Variants in SCGN observed in about 807,000 individuals in gnomAD.
The protein encoded by SCGN is secretagogin, EF-hand calcium binding protein.
SCGN carries 30 observed loss-of-function variants against 39.7 expected under a neutral mutation model. The observed-to-expected ratio is 0.76, with a 90% CI of 0.57 to 1.03. SCGN has a LOEUF of 1.03. SCGN is among the 50% of genes least tolerant of loss of function. The pLI, the probability that SCGN is intolerant of heterozygous loss-of-function variation, is 0.00. For missense variants in SCGN, 353 were observed against 349.4 expected, an observed-to-expected ratio of 1.01 and a Z score of -0.08; for synonymous variants, 106 against 114.1, an observed-to-expected ratio of 0.93 and a Z score of 0.45.
chr6:25,680,221 CATAATGTCTTA>C lies in SCGN; in HGVS notation c.472-1727_472-1717del, dbSNP rs541146089. On this transcript the variant is annotated intron_variant, in intron 6 of 10. Coordinates refer to ENST00000377961, the MANE Select transcript of SCGN (RefSeq NM_006998.4). Reference sequence around the variant, plus strand: ...ACTAAAGGTTATACTTGCAAAGAAGCATAATGTCTTAATGTCACACAAGATCTGATTTCTAG... The same window carrying C: ...ACTAAAGGTTATACTTGCAAAGAAGCATGTCACACAAGATCTGATTTCTAG... Among the ~76,000 whole-genome samples the C allele has an allele frequency of 4.5e-3, 680 of 152,268 alleles. 4 individuals are homozygous for C. Among genetic ancestry groups the C allele is most frequent in the African/African-American group, 0.015 (630 of 41,552 alleles).
At chr6:25,699,589 CAAAAAAAAAAAAAA>C (rs35915067) in intron 10 of SCGN, among the ~76,000 whole-genome samples, 2 of 53,828 alleles carry the variant, frequency 3.7e-5, no homozygotes, top group Non-Finnish European at 7.6e-5. Flanking sequence ...AACTCTGTCT[CAAAAAAAAAAAAAA>C]AAAAAAAGAA....
intron 4 of SCGN, among the ~76,000 whole-genome samples, chr6:25,667,251 A>G (rs1760438700): frequency 6.6e-6 from 1 of 152,142 alleles, no homozygotes; most frequent in Non-Finnish European, 1.5e-5. Context: ...GGCCCTATGG[A>G]GGCTTCTTAT....
chr6:25,659,612 A>T (rs554192996), intron 2 of SCGN, among the ~76,000 whole-genome samples: 3 of 152,132 alleles, frequency 2.0e-5, no homozygotes, highest in Non-Finnish European at 4.4e-5. Flanking sequence ...ATACGTTTTG[A>T]TTTATAGTTG....
In SCGN at chr6:25,653,429, A is replaced by C. The variant is rs779887436; in HGVS notation, c.130A>C (p.Met44Leu). The part of the protein sequence containing the change: ...EKELDAFFLH[M>L]LMKLGTDDTV... ...GGAACTCGATGCTTTCTTTCTCCAC[A>C]TGTTGATGAAACTGGGTACTGATGT... The change falls in exon 2 of 11, where the codon ATG becomes CTG. Residue 44 changes from methionine to leucine, a missense_variant. By Grantham distance (15) the Met-to-Leu change is conservative. Coordinates refer to ENST00000377961, the MANE Select transcript of SCGN (RefSeq NM_006998.4). 5 of 1,613,238 alleles carry C rather than the reference A, an allele frequency of 3.1e-6. No individual in the cohort carries two copies. The highest frequency in any genetic ancestry group is 4.2e-6 in the Non-Finnish European group (5 of 1,179,402).
intron 6 of SCGN, among the ~76,000 whole-genome samples, chr6:25,672,172 C>G (rs1003564237): frequency 2.0e-5 from 3 of 152,216 alleles, no homozygotes; most frequent in African/African-American, 4.8e-5. Flanking sequence ...TTCTCTGTGC[C>G]TGTGTAGTGC....
chr6:25,679,974 A>G lies in SCGN; in HGVS notation c.472-1977A>G, dbSNP rs145422544. Reference sequence around the variant, plus strand: ...TGGAAAGAGCTCTGGTGACAGATATACTTAGATTAAAATCTTGCTTCTTAA... The same window carrying G: ...TGGAAAGAGCTCTGGTGACAGATATGCTTAGATTAAAATCTTGCTTCTTAA... On this transcript the variant is annotated intron_variant, in intron 6 of 10. Coordinates refer to ENST00000377961, the MANE Select transcript of SCGN (RefSeq NM_006998.4). Among the ~76,000 whole-genome samples, 656 of 152,336 alleles carry G rather than the reference A, an allele frequency of 4.3e-3. 5 individuals carry two copies. The highest frequency in any genetic ancestry group is 0.013 in the African/African-American group (557 of 41,584).
chr6:25,669,626 A>G, intron 5 of SCGN, 59 bp downstream of exon 5: 1 of 1,422,584 alleles, frequency 7.0e-7, no homozygotes, highest in Non-Finnish European at 9.9e-7. Flanking sequence ...ATATGTGTGT[A>G]TCATGAGTTT....
chr6:25,662,953 T>C (rs1760362406), intron 3 of SCGN, among the ~76,000 whole-genome samples: 1 of 152,218 alleles, frequency 6.6e-6, no homozygotes, highest in African/African-American at 2.4e-5. Flanking sequence ...AATTAACGAA[T>C]GAGAAAAACA....
chr6:25,677,850 C>T lies in SCGN; in HGVS notation c.472-4101C>T, dbSNP rs559979529. ...CACTAAGAATTGTTTTAAAAAGTCA[C>T]AGACTTCCTCTCCCACCACATGACA... On this transcript the variant is annotated intron_variant, in intron 6 of 10. Coordinates refer to ENST00000377961, the MANE Select transcript of SCGN (RefSeq NM_006998.4). 1.2e-4 allele frequency among the ~76,000 whole-genome samples: 18 copies of T among 152,304 alleles called. No individual in the cohort carries two copies. The South Asian group carries it at 3.7e-3, about 32-fold the overall frequency.
intron 1 of SCGN, 52 bp downstream of exon 1, chr6:25,652,537 C>T: frequency 6.4e-7 from 1 of 1,562,000 alleles, no homozygotes; most frequent in Non-Finnish European, 8.8e-7. Flanking sequence ...GCTCCAAGCT[C>T]AGCCCGCTGA....
intron 10 of SCGN, among the ~76,000 whole-genome samples, chr6:25,692,156 C>T (rs1191064186): frequency 6.6e-6 from 1 of 152,180 alleles, no homozygotes; most frequent in Non-Finnish European, 1.5e-5. Context: ...GCCAGAATAA[C>T]TGATGAGTAT....
chr6:25,682,079 T>C, intron 7 of SCGN, 73 bp downstream of exon 7: 1 of 1,159,902 alleles, frequency 8.6e-7, no homozygotes, highest in Admixed American at 1.8e-5. Context: ...ATATATTTCC[T>C]TTTGAGACTG....
Position 25,701,583 on chromosome 6 carries a change from G to A in SCGN, c.*248G>A, listed in dbSNP as rs893001561. On this transcript the variant is annotated 3_prime_UTR_variant, in exon 11 of 11. Coordinates refer to ENST00000377961, the MANE Select transcript of SCGN (RefSeq NM_006998.4). ...GCTTTCCTATCCTCCCAAAGACTCA[G>A]CTCCCCTGTTAGATGGCTCTGCCTG... The A allele has an allele frequency of 3.5e-5, 12 of 340,524 alleles. No individual in the cohort carries two copies. In the South Asian group the frequency reaches 7.5e-4, roughly 21 times the overall value. The allele number at this position is 340,524 out of a possible 1,614,324, so 21.1% of individuals were successfully genotyped here.
At chr6:25,678,036 A>G (rs1010887127) in intron 6 of SCGN, among the ~76,000 whole-genome samples, 2 of 152,268 alleles carry the variant, frequency 1.3e-5, no homozygotes, top group Non-Finnish European at 2.9e-5. Context: ...GAAAAACTCC[A>G]AAGTCCCTGA....
In SCGN at chr6:25,701,547, C is replaced by T. The variant is rs1171898848; in HGVS notation, c.*212C>T. The T allele has an allele frequency of 2.8e-5, 13 of 471,862 alleles. No individual in the cohort carries two copies. Among genetic ancestry groups the T allele is most frequent in the Non-Finnish European group, 3.9e-5 (11 of 280,452 alleles). The allele number at this position is 471,862 out of a possible 1,614,324, so 29.2% of individuals were successfully genotyped here. A position where few individuals can be genotyped will look rare whatever the true frequency, so the allele number is the denominator to read the frequency against. ...CTGTGTAGTGTCTGTGTTGTTTTCC[C>T]TTGACCCTGGGCTTTCCTATCCTCC... On this transcript the variant is annotated 3_prime_UTR_variant, in exon 11 of 11. Coordinates refer to ENST00000377961, the MANE Select transcript of SCGN (RefSeq NM_006998.4).
intron 10 of SCGN, 122 bp from the exon 11 acceptor site, chr6:25,701,085 A>G (rs1364547812): frequency 1.9e-6 from 2 of 1,059,276 alleles, no homozygotes; most frequent in East Asian, 5.7e-5. Context: ...TCATTCCCTC[A>G]CTCCCTGTGG....
At chr6:25,664,632 T>G (rs1453546290) in intron 3 of SCGN, among the ~76,000 whole-genome samples, 1 of 152,232 alleles carries the variant, frequency 6.6e-6, no homozygotes, top group African/African-American at 2.4e-5. Context: ...GAATAGTGCC[T>G]GGAACATATC....
At chr6:25,698,572 C>T (rs1759866836) in intron 10 of SCGN, among the ~76,000 whole-genome samples, 1 of 152,210 alleles carries the variant, frequency 6.6e-6, no homozygotes, top group Non-Finnish European at 1.5e-5. Context: ...TTGCACTGTA[C>T]AACAAATGAA....
intron 9 of SCGN, 80 bp from the exon 10 acceptor site, chr6:25,690,976 C>G: frequency 9.5e-7 from 1 of 1,050,618 alleles, no homozygotes; most frequent in Admixed American, 1.9e-5. Context: ...AATACTGATA[C>G]GGTTTATTTA....
Sources: allele counts gnomAD v4.1 joint callset (sites outside exome capture counted in the v4.1 genomes callset), GRCh38; gene constraint gnomAD v4.1.1; transcripts MANE v1.5; gene names NCBI Gene and HGNC (gene_info 2026-07-23, HGNC 2026-07-21).